The following SYNE1 variants were observed in gnomAD, a reference collection of about 807,000 sequenced individuals.
SYNE1 encodes spectrin repeat containing nuclear envelope protein 1.
In SYNE1, 616 loss-of-function variants were observed where a neutral mutation model predicts 1,111.0. The observed-to-expected ratio is 0.55, with a 90% confidence interval of 0.52 to 0.59. The LOEUF (loss-of-function observed/expected upper bound fraction) is 0.59, where lower values mean the gene tolerates loss of function less well. SYNE1 is among the 20% of genes least tolerant of loss of function. The pLI is 0.00. For missense variants in SYNE1, 10,006 were observed against 10,417.0 expected, an observed-to-expected ratio of 0.96 and a Z score of 1.72; for synonymous variants, 3,855 against 3,825.8, an observed-to-expected ratio of 1.01 and a Z score of -0.28.
intron 11 of SYNE1, among the ~76,000 whole-genome samples, chr6:152,491,354 C>T (rs868742843): frequency 6.6e-6 from 1 of 152,140 alleles, no homozygotes; most frequent in Non-Finnish European, 1.5e-5. Flanking sequence ...TTTGGCTGCT[C>T]ACCCACATTA....
At position 152,376,821 on chromosome 6, in the gene SYNE1, C is replaced by A; in HGVS notation, c.9101G>T (p.Ser3034Ile). ...NELCRFSRDL[S>I]TYSGKVSGLI... is the part of the protein sequence containing the mutation. ...GCCAGAAACTTTTCCACTGTAGGTA[C>A]TCAGGTCTCTGGAAAATCGACAAAG... The change falls in exon 57 of 146, where the codon AGT (serine) becomes ATT (isoleucine). Residue 3034 changes from serine to isoleucine, a missense_variant. This residue lies in a region of SYNE1 where 4,955 missense variants were observed against 5,017.2 expected (regional missense o/e 0.99). Coordinates refer to ENST00000367255, the MANE Select transcript of SYNE1 (RefSeq NM_182961.4). 1 of 1,614,074 alleles carries A rather than the reference C, an allele frequency of 6.2e-7. No individual in the cohort carries two copies. The highest frequency in any genetic ancestry group is 8.5e-7 in the Non-Finnish European group (1 of 1,180,010).
At chr6:152,474,338 A>G (rs544275496) in intron 14 of SYNE1, among the ~76,000 whole-genome samples, 1 of 152,320 alleles carries the variant, frequency 6.6e-6, no homozygotes, top group South Asian at 2.1e-4. Flanking sequence ...TAGGTCCCCC[A>G]TTCTTAGTAA....
At chr6:152,254,124 CT>C (rs896324116) in intron 104 of SYNE1, among the ~76,000 whole-genome samples, 13 of 151,198 alleles carry the variant, frequency 8.6e-5, no homozygotes, top group African/African-American at 3.2e-4. Flanking sequence ...GGAGTTAGGA[CT>C]GGAAAGTAAC....
chr6:152,319,005 T>G lies in SYNE1; in HGVS notation c.16247A>C (p.Lys5416Thr). ...CTTGCTCTGCTCAACTTCTTTTATT[T>G]TGTCTTGGATCTAAAAAAATCAGTA... ...DLKIRDQIQD[K>T]IKEVEQSKAT... Residue 5416 changes from lysine to threonine, a missense_variant, in exon 85 of 146, where the codon AAA becomes ACA. By Grantham distance (78) the Lys-to-Thr change is moderately conservative. Around this residue, in one of 7 missense-constraint regions of SYNE1, gnomAD observed 4,955 missense variants for 5,017.2 expected, o/e 0.99. Coordinates refer to ENST00000367255, the MANE Select transcript of SYNE1 (RefSeq NM_182961.4). The G allele has an allele frequency of 6.2e-7, 1 of 1,614,162 alleles. No homozygotes were observed. Among genetic ancestry groups the G allele is most frequent in the Non-Finnish European group, 8.5e-7 (1 of 1,180,002 alleles).
intron 11 of SYNE1, among the ~76,000 whole-genome samples, chr6:152,494,092 A>C (rs1338733303): frequency 6.6e-6 from 1 of 152,162 alleles, no homozygotes; most frequent in Non-Finnish European, 1.5e-5. Context: ...ACCTGACCGC[A>C]CAGTTCTGAG....
Position 152,352,338 on chromosome 6 carries a change from T to C in SYNE1, c.11269A>G (p.Met3757Val), listed in dbSNP as rs755951581. The change falls in exon 70 of 146, where the codon ATG becomes GTG. Residue 3757 changes from methionine (M) to valine (V), a missense_variant. Transcript: ENST00000367255. Reference sequence around the variant, plus strand: ...TTCAGCAAACTGTGACCTTTCTCCATGTCTTTGAGCAAAACCTGAAAAAGA... The same window carrying C: ...TTCAGCAAACTGTGACCTTTCTCCACGTCTTTGAGCAAAACCTGAAAAAGA... Reference protein sequence around the residue: ...LKTLEVLLKDMEKGHSLLKSA... With the variant: ...LKTLEVLLKDVEKGHSLLKSA... 9 of 1,614,130 alleles carry C rather than the reference T, an allele frequency of 5.6e-6. No homozygotes were observed. Among genetic ancestry groups the C allele is most frequent in the Non-Finnish European group, 6.8e-6 (8 of 1,180,026 alleles).
rs778979964 is a variant in SYNE1 at position 152,461,596 on chromosome 6, C to T, written c.2394+1G>A. On this transcript the variant is annotated splice_donor_variant, in intron 21 of 145. Transcript: ENST00000367255. LOFTEE classifies it high-confidence loss of function. Reference sequence around the variant, plus strand: ...TATTGTGCATTAAATTATTTTCGCACCTTGGTTAGCTGCTCTTTGAGCTTT... The same window carrying T: ...TATTGTGCATTAAATTATTTTCGCATCTTGGTTAGCTGCTCTTTGAGCTTT... The T allele has an allele frequency of 1.9e-6, 3 of 1,613,956 alleles. No homozygotes were observed. In the Admixed American group the frequency reaches 5.0e-5, roughly 27 times the overall value.
chr6:152,362,302 G>GGA lies in SYNE1; in HGVS notation c.10165_10166dup (p.Lys3390ProfsTer24). On this transcript the variant is annotated frameshift_variant, in exon 64 of 146. Transcript: ENST00000367255. LOFTEE classifies it high-confidence loss of function. Reference sequence around the variant, plus strand: ...CGCCATCCTGATAACTTGTCCACTTGGAGAGAGCTCCTTCGAGTTGGCTGA... The same window carrying GGA: ...CGCCATCCTGATAACTTGTCCACTTGGAGAGAGAGCTCCTTCGAGTTGGCTGA... 1 of 1,614,218 alleles carries GGA rather than the reference G, an allele frequency of 6.2e-7. No homozygotes were observed. Among genetic ancestry groups the GGA allele is most frequent in the South Asian group, 1.1e-5 (1 of 91,086 alleles).
In SYNE1 at chr6:152,164,174, T is replaced by G. The variant is rs2063133832; in HGVS notation, c.23779A>C (p.Asn7927His). The G allele has an allele frequency of 1.2e-6, 2 of 1,614,200 alleles. No individual in the cohort carries two copies. The highest frequency in any genetic ancestry group is 3.3e-5 in the Admixed American group (2 of 60,020). The stretch of plus-strand genomic sequence containing the variant: ...ATTTTAAGTCTTACCTGCTGCTCAT[T>G]AAGCTTTCTCTGTATTTCTTCCGAG... ...CNSEEIQRKLNEQQELQRDIE... is the reference protein window; with the variant it reads ...CNSEEIQRKLHEQQELQRDIE... The change falls in exon 131 of 146, where the codon AAT becomes CAT. Residue 7927 changes from asparagine to histidine, a missense_variant. Asn to His is a moderately conservative substitution (Grantham distance 68). Coordinates refer to ENST00000367255, the MANE Select transcript of SYNE1 (RefSeq NM_182961.4).
chr6:152,514,353 T>C (rs2099100594), intron 6 of SYNE1, among the ~76,000 whole-genome samples: 1 of 152,106 alleles, frequency 6.6e-6, no homozygotes, highest in African/African-American at 2.4e-5. Context: ...CTGGAAACCA[T>C]CATTCTCAGC....
intron 128 of SYNE1, among the ~76,000 whole-genome samples, chr6:152,187,556 T>G (rs1259441667): frequency 6.6e-6 from 1 of 152,158 alleles, no homozygotes; most frequent in East Asian, 1.9e-4. Context: ...GTTCCTCTGC[T>G]CCAACTGCCA....
chr6:152,572,432 A>G (rs2099466910), intron 3 of SYNE1, among the ~76,000 whole-genome samples: 1 of 152,150 alleles, frequency 6.6e-6, no homozygotes, highest in Non-Finnish European at 1.5e-5. Context: ...CTCATTTCCT[A>G]TGACTTATGG....
chr6:152,502,229 A>G (rs1399249107), intron 10 of SYNE1, among the ~76,000 whole-genome samples: 1 of 152,224 alleles, frequency 6.6e-6, no homozygotes, highest in Non-Finnish European at 1.5e-5. Context: ...GTTTGCTGTC[A>G]ATAGATGTAA....
chr6:152,508,279 C>T (rs1186007877), intron 8 of SYNE1, among the ~76,000 whole-genome samples: 4 of 152,154 alleles, frequency 2.6e-5, no homozygotes, highest in Non-Finnish European at 5.9e-5. Context: ...TATGCAGCTA[C>T]AAAAGAAATG....
chr6:152,245,895 G>A (rs1411212618), intron 105 of SYNE1, among the ~76,000 whole-genome samples: 2 of 152,158 alleles, frequency 1.3e-5, no homozygotes, highest in Non-Finnish European at 2.9e-5. Flanking sequence ...AACAGACAGA[G>A]GGGCACTGGA....
chr6:152,502,193 T>C (rs1051718068), intron 10 of SYNE1, among the ~76,000 whole-genome samples: 1 of 152,058 alleles, frequency 6.6e-6, no homozygotes, highest in Non-Finnish European at 1.5e-5. Context: ...ATTAGAACTT[T>C]TACAAATTGC....
chr6:152,288,635 C>A (rs1366490145), intron 95 of SYNE1, among the ~76,000 whole-genome samples: 1 of 152,146 alleles, frequency 6.6e-6, no homozygotes, highest in East Asian at 1.9e-4. Flanking sequence ...CAACCTCCGC[C>A]CCCTGAGTTC....
chr6:152,334,009 T>C lies in SYNE1; in HGVS notation c.12793A>G (p.Arg4265Gly). 5 of 1,614,188 alleles carry C rather than the reference T, an allele frequency of 3.1e-6. No individual in the cohort carries two copies. Among genetic ancestry groups the C allele is most frequent in the Non-Finnish European group, 4.2e-6 (5 of 1,180,034 alleles). The change falls in exon 77 of 146, where the codon AGA becomes GGA. Residue 4265 changes from arginine to glycine, a missense_variant and splice_region_variant. Coordinates refer to ENST00000367255, the MANE Select transcript of SYNE1 (RefSeq NM_182961.4). ...KFTTEWDNLA[R>G]SDAESTAVHL... is the part of the protein sequence containing the mutation. ...GACCCATGGGAGAATTTCTGTTACCTGGCCAAGTTATCCCATTCTGTAGTA... is the reference window on the plus strand; with the variant it reads ...GACCCATGGGAGAATTTCTGTTACCCGGCCAAGTTATCCCATTCTGTAGTA...
chr6:152,135,000 G>A (rs2056726369), intron 142 of SYNE1, 104 bp downstream of exon 142: 22 of 1,536,544 alleles, frequency 1.4e-5, no homozygotes. Flanking sequence ...AATGCAAAAA[G>A]TTAAAAAAAA....
Sources: allele counts gnomAD v4.1 joint callset (sites outside exome capture counted in the v4.1 genomes callset), GRCh38; gene constraint gnomAD v4.1.1; regional missense constraint gnomAD v4.1.1; transcripts MANE v1.5; gene names NCBI Gene and HGNC (gene_info 2026-07-23, HGNC 2026-07-21).